RNF170: variants seen among roughly 807,000 people sequenced by gnomAD.
The protein encoded by RNF170 is ring finger protein 170.
In RNF170, 12 loss-of-function variants were observed where a neutral mutation model predicts 32.7. The ratio of observed to expected loss-of-function variants is 0.37; its 90% CI spans 0.24 to 0.60. The LOEUF is 0.60. Among genes scored for constraint, RNF170 ranks in the 20% least tolerant of loss-of-function variants. RNF170 has a pLI of 0.72. For missense variants in RNF170, 212 were observed against 311.2 expected, an observed-to-expected ratio of 0.68 and a Z score of 2.40; for synonymous variants, 91 against 103.6, an observed-to-expected ratio of 0.88 and a Z score of 0.74.
rs1258523905 is a variant in RNF170, at chr8:42,855,809, C to T, written c.*350G>A. 2 of 1,239,480 alleles carry T rather than the reference C, an allele frequency of 1.6e-6. No individual in the cohort carries two copies. The allele number at this position is 1,239,480 out of a possible 1,614,324, so 76.8% of individuals were successfully genotyped here. On this transcript the variant is annotated 3_prime_UTR_variant, in exon 7 of 7. Transcript: ENST00000527424. ...GAGAAGGATAAGATGGATAAACTGA[C>T]ATTTAACAATATTTTACTATACATC...
downstream of RNF170, among the ~76,000 whole-genome samples, chr8:42,851,149 T>C (rs867108856): frequency 3.9e-5 from 6 of 152,076 alleles, no homozygotes; most frequent in Admixed American, 1.3e-4. Flanking sequence ...ACAGCCCCCA[T>C]TGGGCTCCTG....
chr8:42,871,953 A>G (rs1450510243), intron 3 of RNF170, among the ~76,000 whole-genome samples: 1 of 152,230 alleles, frequency 6.6e-6, no homozygotes, highest in African/African-American at 2.4e-5. Context: ...TATCAGTGCT[A>G]TCCAATACAG....
At chr8:42,895,819 T>C (rs1806766091) in intron 1 of RNF170, among the ~76,000 whole-genome samples, 1 of 152,108 alleles carries the variant, frequency 6.6e-6, no homozygotes, top group Non-Finnish European at 1.5e-5. Flanking sequence ...CACACATAGA[T>C]GGTAAAGCTG....
chr8:42,872,556 C>T (rs1298883516), intron 3 of RNF170, among the ~76,000 whole-genome samples: 21 of 152,142 alleles, frequency 1.4e-4, no homozygotes. Flanking sequence ...GATTCTCCTG[C>T]CTCAGCCTCC....
intron 6 of RNF170, among the ~76,000 whole-genome samples, chr8:42,858,041 A>G (rs1803372451): frequency 6.6e-6 from 1 of 152,196 alleles, no homozygotes; most frequent in African/African-American, 2.4e-5. Context: ...TCTCAAAAAG[A>G]AAAGAAATGA....
chr8:42,864,330 G>A (rs1261109336), intron 5 of RNF170, among the ~76,000 whole-genome samples: 2 of 151,904 alleles, frequency 1.3e-5, no homozygotes, highest in African/African-American at 4.8e-5. Context: ...CGAACTCCCA[G>A]CTTCAAGTGA....
chr8:42,866,017 C>T (rs1400695673), intron 4 of RNF170, among the ~76,000 whole-genome samples: 2 of 152,062 alleles, frequency 1.3e-5, no homozygotes, highest in Non-Finnish European at 2.9e-5. Flanking sequence ...TACAGTTGTA[C>T]ACAATCAAAA....
chr8:42,852,819 A>T (rs1586465846), downstream of RNF170, among the ~76,000 whole-genome samples: 2 of 152,312 alleles, frequency 1.3e-5, no homozygotes, highest in East Asian at 3.9e-4. Context: ...TCTGCAAATT[A>T]ATTTATTTGC....
In RNF170 at chr8:42,853,499, T is replaced by C; in HGVS notation, c.*2660A>G. 1 of 1,287,118 alleles carries C rather than the reference T, an allele frequency of 7.8e-7. No individual in the cohort carries two copies. Among genetic ancestry groups the C allele is most frequent in the South Asian group, 1.2e-5 (1 of 80,940 alleles). The allele number at this position is 1,287,118 out of a possible 1,614,324, so 79.7% of individuals were successfully genotyped here. The stretch of plus-strand genomic sequence containing the variant: ...ATTGTAGTAGTTGAAACCACTGTTC[T>C]AGTGGGCAGTTAGAACAGTTGTTTT... On this transcript the variant is annotated 3_prime_UTR_variant, in exon 7 of 7. Transcript: ENST00000527424.
At chr8:42,875,894 T>C (rs1298899050) in intron 2 of RNF170, among the ~76,000 whole-genome samples, 2 of 152,178 alleles carry the variant, frequency 1.3e-5, no homozygotes, top group Admixed American at 1.3e-4. Context: ...TAAAGCTTGA[T>C]GCATTCTTCA....
rs780425926 is a variant in RNF170, at chr8:42,855,080, G to T, written c.*1079C>A. ...ATTCACCTTCCTCAGAAATGCATCA[G>T]GCTACTCTGTGTTTGCAGCATCGCC... On this transcript the variant is annotated 3_prime_UTR_variant, in exon 7 of 7. Coordinates refer to ENST00000527424, the MANE Select transcript of RNF170 (RefSeq NM_030954.4). 13 of 1,287,178 alleles carry T rather than the reference G, an allele frequency of 1.0e-5. No homozygotes were observed. The South Asian group carries it at 1.2e-4, about 12-fold the overall frequency. The allele number at this position is 1,287,178 out of a possible 1,614,324, so 79.7% of individuals were successfully genotyped here.
intron 1 of RNF170, among the ~76,000 whole-genome samples, chr8:42,889,656 G>A (rs540384427): frequency 6.6e-6 from 1 of 152,166 alleles, no homozygotes; most frequent in African/African-American, 2.4e-5. Flanking sequence ...AGCTTTACAC[G>A]GACTAATCGC....
chr8:42,873,837 T>C (rs1804704599), intron 3 of RNF170, 94 bp downstream of exon 3: 1 of 782,398 alleles, frequency 1.3e-6, no homozygotes, highest in Non-Finnish European at 2.3e-6. Flanking sequence ...AAGAAGCCCA[T>C]GTTTCCAAAA....
chr8:42,859,688 A>ACCCAGGCT (rs1452017349), intron 6 of RNF170, among the ~76,000 whole-genome samples: 1 of 151,754 alleles, frequency 6.6e-6, no homozygotes, highest in African/African-American at 2.4e-5. Flanking sequence ...TCACTCGATC[A>ACCCAGGCT]CCCAGGCTGG....
chr8:42,864,530 C>T (rs1253964651), intron 5 of RNF170, among the ~76,000 whole-genome samples: 1 of 152,132 alleles, frequency 6.6e-6, no homozygotes, highest in African/African-American at 2.4e-5. Flanking sequence ...TTCAGTATTT[C>T]ATTTCTCCAG....
At chr8:42,864,500 A>C (rs929608866) in intron 5 of RNF170, among the ~76,000 whole-genome samples, 1 of 152,188 alleles carries the variant, frequency 6.6e-6, no homozygotes, top group African/African-American at 2.4e-5. Flanking sequence ...AAAACTGAGA[A>C]TATTGGTTTC....
At chr8:42,888,712 G>A (rs1806042436) in intron 1 of RNF170, among the ~76,000 whole-genome samples, 2 of 152,098 alleles carry the variant, frequency 1.3e-5, no homozygotes, top group Non-Finnish European at 2.9e-5. Flanking sequence ...GAGGCCCAGA[G>A]AGCGCCACTG....
At chr8:42,880,058 T>C (rs146024597) in intron 2 of RNF170, among the ~76,000 whole-genome samples, 9 of 152,260 alleles carry the variant, frequency 5.9e-5, no homozygotes, top group African/African-American at 1.9e-4. Flanking sequence ...CCCTCATGGA[T>C]GACTTTGAGA....
intron 2 of RNF170, among the ~76,000 whole-genome samples, chr8:42,882,987 TG>T (rs951832208): frequency 6.6e-6 from 1 of 151,420 alleles, no homozygotes; most frequent in Non-Finnish European, 1.5e-5. Context: ...CATTTGAGCC[TG>T]GGGGGCGAAG....
Sources: allele counts gnomAD v4.1 joint callset (sites outside exome capture counted in the v4.1 genomes callset), GRCh38; gene constraint gnomAD v4.1.1; transcripts MANE v1.5; gene names NCBI Gene and HGNC (gene_info 2026-07-23, HGNC 2026-07-21).